The following IFT140 variants were observed in gnomAD, a reference collection of about 807,000 sequenced individuals.
IFT140 encodes the protein intraflagellar transport protein 140 homolog.
IFT140 carries 133 observed loss-of-function variants against 164.6 expected under a neutral mutation model. The observed-to-expected ratio is 0.81, with a 90% CI of 0.70 to 0.93. The LOEUF is 0.93. IFT140 is among the 40% of genes least tolerant of loss of function. IFT140 has a pLI of 0.00. For synonymous variants in IFT140, 860 were observed against 817.3 expected (o/e 1.05, Z -0.89); for missense variants, 2,045 against 1,972.3 (o/e 1.04, Z -0.70).
At chr16:1,559,380 C>A (rs1412192235) in intron 18 of IFT140, among the ~76,000 whole-genome samples, 1 of 152,174 alleles carries the variant, frequency 6.6e-6, no homozygotes, top group Non-Finnish European at 1.5e-5. Flanking sequence ...GAGGGAGGGA[C>A]TGTCTATCCC....
At position 1,583,397 on chromosome 16, in the gene IFT140, C is replaced by A. The variant is rs762887419; in HGVS notation, c.1360-11G>T. ...GACTGCGACAGCATCCTGAAAAGAA[C>A]CACGGACATTCGAGGCAAAGGGCGG... On this transcript the variant is annotated splice_polypyrimidine_tract_variant and intron_variant, in intron 11 of 30. Transcript: ENST00000426508. 4 of 1,613,648 alleles carry A rather than the reference C, an allele frequency of 2.5e-6. No homozygotes were observed. The highest frequency in any genetic ancestry group is 3.4e-6 in the Non-Finnish European group (4 of 1,179,624).
At chr16:1,584,489 G>A (rs1335086972) in intron 10 of IFT140, 69 bp from the exon 11 acceptor site, 7 of 1,251,106 alleles carry the variant, frequency 5.6e-6, no homozygotes, top group Non-Finnish European at 5.6e-6. Context: ...GCGGTCAGGA[G>A]AATACTTACA....
rs1392807467 is a variant in IFT140, at chr16:1,610,860, G to A, written c.-221-7C>T. ...GGGGCCAGGTTATTCCGCTCTGCAAGAGAGAAGCGGGACGAGCTTTTTCTA... is the reference window on the plus strand; with the variant it reads ...GGGGCCAGGTTATTCCGCTCTGCAAAAGAGAAGCGGGACGAGCTTTTTCTA... On this transcript the variant is annotated splice_region_variant and splice_polypyrimidine_tract_variant and intron_variant, in intron 1 of 30. Transcript: ENST00000426508. 1 of 153,278 alleles carries A rather than the reference G, an allele frequency of 6.5e-6. No homozygotes were observed. The highest frequency in any genetic ancestry group is 1.5e-5 in the Non-Finnish European group (1 of 68,230). The allele number at this position is 153,278 out of a possible 1,614,324, so 9.5% of individuals were successfully genotyped here.
At chr16:1,606,984 G>A (rs549709214) in intron 3 of IFT140, 136 bp downstream of exon 3, 98 of 830,942 alleles carry the variant, frequency 1.2e-4, no homozygotes, top group Middle Eastern at 1.2e-3. Flanking sequence ...ACACATACAC[G>A]CACACACAGA....
rs1028122143 is a variant in IFT140, at chr16:1,606,982, A to G, written c.147+138T>C. On this transcript the variant is annotated intron_variant, in intron 3 of 30. Transcript: ENST00000426508. ...CGCATACACACACCAATACACATAC[A>G]CGCACACACAGATGCATGTATACAC... is the stretch of plus-strand genomic sequence containing the variant. 15 of 821,704 alleles carry G rather than the reference A, an allele frequency of 1.8e-5. No homozygotes were observed. The Admixed American group carries it at 2.6e-4, about 14-fold the overall frequency. 50.9% of individuals were successfully genotyped at this position (821,704 alleles called of 1,614,324 possible).
chr16:1,560,985 T>C (rs73497598), intron 18 of IFT140, among the ~76,000 whole-genome samples: 2,442 of 152,224 alleles, frequency 0.016, 76 homozygotes, highest in African/African-American at 0.056. Flanking sequence ...GCATCCTAGG[T>C]CCCGAAAGGT....
chr16:1,604,235 AG>A (rs1039753109), intron 3 of IFT140, among the ~76,000 whole-genome samples: 2 of 149,398 alleles, frequency 1.3e-5, no homozygotes, highest in Non-Finnish European at 3.0e-5. Context: ...TGCTGGCAAC[AG>A]GGGAGCCGCT....
At chr16:1,513,610 G>A (rs1488428561) in intron 30 of IFT140, among the ~76,000 whole-genome samples, 8 of 152,014 alleles carry the variant, frequency 5.3e-5, no homozygotes, top group African/African-American at 9.7e-5. Context: ...GGGGGCAGCC[G>A]TGAGCAGGCT....
At chr16:1,599,854 AG>A (rs2035695211) in intron 4 of IFT140, among the ~76,000 whole-genome samples, 1 of 94,672 alleles carries the variant, frequency 1.1e-5, no homozygotes, top group African/African-American at 6.5e-5. Flanking sequence ...CTGCCCGGCC[AG>A]CCGCCCCGTC....
intron 13 of IFT140, among the ~76,000 whole-genome samples, chr16:1,578,573 T>A (rs972988307): frequency 7.7e-6 from 1 of 130,584 alleles, no homozygotes; most frequent in Non-Finnish European, 1.6e-5. Context: ...TGAGATCCTG[T>A]CCCTTAAAAA....
At chr16:1,552,205 C>T (rs950253372) in intron 19 of IFT140, among the ~76,000 whole-genome samples, 1 of 152,170 alleles carries the variant, frequency 6.6e-6, no homozygotes, top group Admixed American at 6.5e-5. Flanking sequence ...GTGGCCATGG[C>T]GGGCTGGAGC....
chr16:1,533,693 A>C lies in IFT140; in HGVS notation c.2400-6897T>G. 1 of 152,936 alleles carries C rather than the reference A, an allele frequency of 6.5e-6. No individual in the cohort carries two copies. 9.5% of individuals were successfully genotyped at this position (152,936 alleles called of 1,614,324 possible). A position where few individuals can be genotyped will look rare whatever the true frequency, so the allele number is the denominator to read the frequency against. ...TTTCCTCTCTGCTGAGAGCCAGGGA[A>C]GGCGAGCTCTGCGCACACGGGCGTC... On this transcript the variant is annotated intron_variant, in intron 19 of 30. Transcript: ENST00000426508. This position sits in a 1 kb window ranked among gnomAD's most constrained non-coding sequence, Gnocchi z 4.7.
Position 1,524,800 on chromosome 16 carries a change from T to C in IFT140, c.2981A>G (p.Gln994Arg), listed in dbSNP as rs746546785. ...GGACCTTACCTTCTGGACATTGCCC[T>C]GGAAGCAGTGGATGCGGACCAGGGA... ...HFSLVRIHCF[Q>R]GNVQKAAQIA... Residue 994 changes from glutamine (Q) to arginine (R), a missense_variant, in exon 23 of 31, where the codon CAG becomes CGG. Physicochemically the swap from Gln to Arg is conservative, Grantham distance 43 (BLOSUM62 1). Coordinates refer to ENST00000426508, the MANE Select transcript of IFT140 (RefSeq NM_014714.4). 2 of 1,610,194 alleles carry C rather than the reference T, an allele frequency of 1.2e-6. No individual in the cohort carries two copies. Among genetic ancestry groups the C allele is most frequent in the South Asian group, 2.2e-5 (2 of 90,992 alleles).
At chr16:1,545,535 T>A (rs979813584) in intron 19 of IFT140, among the ~76,000 whole-genome samples, 1 of 152,204 alleles carries the variant, frequency 6.6e-6, no homozygotes, top group Non-Finnish European at 1.5e-5. Context: ...TGTACTCGCG[T>A]CTGTTTTAAA....
intron 7 of IFT140, 44 bp downstream of exon 7, chr16:1,589,561 G>A (rs2035066549): frequency 1.3e-6 from 2 of 1,593,606 alleles, no homozygotes; most frequent in Non-Finnish European, 1.7e-6. Context: ...AGAGAACCTG[G>A]CCCAAGATCC....
In IFT140 at chr16:1,586,201, C is replaced by T. The variant is rs182052267; in HGVS notation, c.1084G>A (p.Gly362Arg). 702 of 1,614,114 alleles carry T rather than the reference C, an allele frequency of 4.3e-4. 6 individuals are homozygous for T. In the Admixed American group the frequency reaches 0.011, roughly 25 times the overall value. ...GCCCACCTGTCCTTGCCCTCTGCCC[C>T]GGGGCTGCCCAGGAAGTCTGGTACT... Reference protein sequence around the residue: ...RKVPDFLGSPGAEGKDRWALQ... With the variant: ...RKVPDFLGSPRAEGKDRWALQ... Residue 362 changes from glycine to arginine, a missense_variant, in exon 10 of 31, where the codon GGG (glycine) becomes AGG (arginine). Transcript: ENST00000426508.
chr16:1,586,738 G>A (rs1416130337), intron 9 of IFT140, among the ~76,000 whole-genome samples: 1 of 152,176 alleles, frequency 6.6e-6, no homozygotes, highest in Non-Finnish European at 1.5e-5. Context: ...ATGGGGTCAC[G>A]CTCTGTCACA....
chr16:1,587,881 C>T, intron 8 of IFT140, 52 bp downstream of exon 8: 2 of 1,400,420 alleles, frequency 1.4e-6, no homozygotes, highest in Non-Finnish European at 2.0e-6. Context: ...CTTAGAGGAG[C>T]CTGTTCCTCA....
intron 14 of IFT140, 78 bp from the exon 15 acceptor site, chr16:1,568,412 C>T: frequency 8.6e-7 from 1 of 1,169,214 alleles, no homozygotes. Context: ...AACCTCTGTT[C>T]ACCGGATGAG....
Sources: gnomAD v4.1 joint callset for allele counts (sites outside exome capture counted in the v4.1 genomes callset) on GRCh38, gnomAD v4.1.1 for gene constraint, Gnocchi (gnomAD v3.1) non-coding constraint, MANE v1.5 for transcripts, NCBI Gene and HGNC (gene_info 2026-07-23, HGNC 2026-07-21) for gene names.